Variants in DOK6 observed in about 807,000 individuals in gnomAD.
DOK6 encodes docking protein 6.
DOK6 carries 22 observed loss-of-function variants against 44.0 expected under a neutral mutation model. The observed-to-expected ratio is 0.50, with a 90% CI of 0.36 to 0.71. The LOEUF (loss-of-function observed/expected upper bound fraction) is 0.71, where lower values mean the gene tolerates loss of function less well. Among genes scored for constraint, DOK6 ranks in the 30% least tolerant of loss-of-function variants. The probability of loss-of-function intolerance (pLI) is 0.00; values close to 1 mark genes in which losing one functional copy is unlikely to be tolerated. For missense variants in DOK6, 340 were observed against 416.4 expected, an observed-to-expected ratio of 0.82 and a Z score of 1.60; for synonymous variants, 166 against 145.5, an observed-to-expected ratio of 1.14 and a Z score of -1.01.
chr18:69,818,948 T>A (rs544770180), intron 7 of DOK6, among the ~76,000 whole-genome samples: 43 of 152,310 alleles, frequency 2.8e-4, no homozygotes, highest in African/African-American at 1.0e-3. Flanking sequence ...CTCAGCAGGC[T>A]ATTGTAAGGG....
intron 6 of DOK6, among the ~76,000 whole-genome samples, chr18:69,742,832 C>T (rs920508090): frequency 6.6e-6 from 1 of 152,198 alleles, no homozygotes; most frequent in Non-Finnish European, 1.5e-5. Flanking sequence ...ATGGGTAAGA[C>T]ATCACCATCA....
chr18:69,777,043 A>G (rs916379878), intron 7 of DOK6, among the ~76,000 whole-genome samples: 6 of 151,404 alleles, frequency 4.0e-5, no homozygotes, highest in Non-Finnish European at 8.8e-5. Context: ...CCTAATGCTA[A>G]ATGACGAGTT....
intron 1 of DOK6, among the ~76,000 whole-genome samples, chr18:69,463,165 C>A (rs1163478046): frequency 6.6e-6 from 1 of 152,030 alleles, no homozygotes; most frequent in Non-Finnish European, 1.5e-5. Flanking sequence ...TAGCTGTGTC[C>A]TCGCCATGGT....
chr18:69,633,459 G>A (rs2144648132), intron 3 of DOK6, among the ~76,000 whole-genome samples: 1 of 152,272 alleles, frequency 6.6e-6, no homozygotes, highest in East Asian at 1.9e-4. Context: ...AACATATTCT[G>A]CCTATGGGTT....
chr18:69,524,409 G>A lies in DOK6; in HGVS notation c.67-40078G>A, dbSNP rs1036844. Among the ~76,000 whole-genome samples, 1,093 of 152,034 alleles carry A rather than the reference G, an allele frequency of 7.2e-3. 8 individuals are homozygous for A. Among genetic ancestry groups the A allele is most frequent in the African/African-American group, 0.025 (1,042 of 41,532 alleles). On this transcript the variant is annotated intron_variant, in intron 1 of 7. Transcript: ENST00000382713. ...CAATTTAAAGTTTTGTTGCTACACTGAGCCTCTGTGTGAAATTAGAGTGTC... is the reference window on the plus strand; with the variant it reads ...CAATTTAAAGTTTTGTTGCTACACTAAGCCTCTGTGTGAAATTAGAGTGTC...
At chr18:69,798,927 A>G (rs1980824916) in intron 7 of DOK6, among the ~76,000 whole-genome samples, 2 of 152,048 alleles carry the variant, frequency 1.3e-5, no homozygotes, top group African/African-American at 2.4e-5. Context: ...TCTGTCAAGT[A>G]CTAGCAATAC....
At chr18:69,485,156 T>A (rs1194056528) in intron 1 of DOK6, among the ~76,000 whole-genome samples, 1 of 152,116 alleles carries the variant, frequency 6.6e-6, no homozygotes, top group East Asian at 1.9e-4. Flanking sequence ...GGATTTGGTT[T>A]GGGATTTGTG....
At chr18:69,603,952 T>A (rs1983937904) in intron 3 of DOK6, among the ~76,000 whole-genome samples, 1 of 152,094 alleles carries the variant, frequency 6.6e-6, no homozygotes, top group African/African-American at 2.4e-5. Context: ...AGAAATAGGA[T>A]CATAATTTTA....
At chr18:69,750,993 A>G (rs1375041684) in intron 6 of DOK6, among the ~76,000 whole-genome samples, 1 of 152,236 alleles carries the variant, frequency 6.6e-6, no homozygotes, top group African/African-American at 2.4e-5. Flanking sequence ...TGCTAAGTTA[A>G]ATAAACCAGA....
intron 1 of DOK6, among the ~76,000 whole-genome samples, chr18:69,540,510 A>G (rs1266711581): frequency 6.6e-6 from 1 of 152,078 alleles, no homozygotes; most frequent in Admixed American, 6.6e-5. Context: ...CCATTTGTCC[A>G]CAATCTTGGT....
intron 1 of DOK6, among the ~76,000 whole-genome samples, chr18:69,481,440 T>G (rs1335165440): frequency 6.6e-6 from 1 of 152,140 alleles, no homozygotes. Flanking sequence ...GTTCTCATTG[T>G]TCAATTCCCA....
chr18:69,533,302 T>C (rs770244922), intron 1 of DOK6, among the ~76,000 whole-genome samples: 4 of 152,204 alleles, frequency 2.6e-5, no homozygotes, highest in Non-Finnish European at 4.4e-5. Flanking sequence ...CTGACAATTT[T>C]TCTCCTTTTT....
chr18:69,403,762 G>A (rs1333753292), intron 1 of DOK6, among the ~76,000 whole-genome samples: 2 of 152,120 alleles, frequency 1.3e-5, no homozygotes, highest in Non-Finnish European at 2.9e-5. Flanking sequence ...ACTAAGTTAA[G>A]TGAGTCCCAT....
chr18:69,599,601 C>T, intron 3 of DOK6, 103 bp downstream of exon 3: 2 of 826,108 alleles, frequency 2.4e-6, no homozygotes, highest in East Asian at 2.7e-5. Context: ...GGCCTACTGT[C>T]ATGAGAATGT....
intron 2 of DOK6, among the ~76,000 whole-genome samples, chr18:69,569,061 CT>C (rs1983054626): frequency 2.0e-5 from 3 of 152,092 alleles, no homozygotes. Context: ...CACAAACCCC[CT>C]GGTCCATGGA....
chr18:69,804,593 G>T (rs764808770), intron 7 of DOK6, among the ~76,000 whole-genome samples: 1 of 152,060 alleles, frequency 6.6e-6, no homozygotes, highest in Non-Finnish European at 1.5e-5. Flanking sequence ...AAAATCAGTG[G>T]CATGTATTAA....
chr18:69,789,182 G>A (rs1035857939), intron 7 of DOK6, among the ~76,000 whole-genome samples: 6 of 152,054 alleles, frequency 3.9e-5, no homozygotes, highest in Non-Finnish European at 7.4e-5. Flanking sequence ...CTAATTCCGA[G>A]TTTCTTCTTC....
rs767916560 is a variant in DOK6, at chr18:69,599,468, G to A, written c.259G>A (p.Glu87Lys). 4 of 1,613,956 alleles carry A rather than the reference G, an allele frequency of 2.5e-6. No individual in the cohort carries two copies. In the Admixed American group the frequency reaches 6.7e-5, roughly 27 times the overall value. The change falls in exon 3 of 8, where the codon GAA (glutamate) becomes AAA (lysine). Residue 87 changes from glutamate to lysine, a missense_variant. Glu to Lys is a moderately conservative substitution (Grantham distance 56). Coordinates refer to ENST00000382713, the MANE Select transcript of DOK6 (RefSeq NM_152721.6). ...TGCGGTGGCAATCATCTTTCACGAT[G>A]AAACATCGAAGACATTTGCCTGTGA... ...KHAVAIIFHD[E>K]TSKTFACESE...
intron 3 of DOK6, among the ~76,000 whole-genome samples, chr18:69,622,127 C>T (rs1984456407): frequency 6.6e-6 from 1 of 152,070 alleles, no homozygotes; most frequent in South Asian, 2.1e-4. Context: ...TAAGAAAGAC[C>T]ACATAGGAAA....
Sources: allele counts gnomAD v4.1 joint callset (sites outside exome capture counted in the v4.1 genomes callset), GRCh38; gene constraint gnomAD v4.1.1; transcripts MANE v1.5; gene names NCBI Gene and HGNC (gene_info 2026-07-23, HGNC 2026-07-21).